XG: variants seen among roughly 807,000 people sequenced by gnomAD.
XG encodes the protein Xg glycoprotein (Xg blood group).
A neutral mutation model predicts 25.7 loss-of-function variants in XG; 24 were observed. That is an observed-to-expected ratio of 0.93 (90% CI 0.68 to 1.31). XG has a LOEUF of 1.31. XG is among the 40% of genes most tolerant of loss of function. The pLI is 0.00. For missense variants in XG, 181 were observed against 187.6 expected, an observed-to-expected ratio of 0.96 and a Z score of 0.21; for synonymous variants, 77 against 69.2, an observed-to-expected ratio of 1.11 and a Z score of -0.56.
At chrX:2,769,087 C>T (rs145664721) in intron 1 of XG, among the ~76,000 whole-genome samples, 230 of 152,284 alleles carry the variant, frequency 1.5e-3, no homozygotes, top group African/African-American at 5.0e-3. Flanking sequence ...TCTGGGGATG[C>T]GTCTTCTGCT....
chrX:2,765,721 TCC>T (rs1359571445), intron 1 of XG, among the ~76,000 whole-genome samples: 2 of 152,212 alleles, frequency 1.3e-5, no homozygotes, highest in African/African-American at 4.8e-5. Context: ...TTGCTGTGGG[TCC>T]ATTGCTCTCC....
rs769301242 is a variant in XG, at chrX:2,794,564, G to A, written c.283G>A (p.Gly95Arg). The A allele has an allele frequency of 1.7e-6, 2 of 1,211,697 alleles. No individual in the cohort carries two copies. The highest frequency in any genetic ancestry group is 3.0e-5 in the East Asian group (1 of 33,793). ...GYFNDVDRDDGRYPPRPRPRP... is the reference protein window; with the variant it reads ...GYFNDVDRDDRRYPPRPRPRP... ...CTTCAATGATGTGGACCGTGATGAC[G>A]GACGCTACCCGCCCAGGCCCAGGCC... is the stretch of plus-strand genomic sequence containing the variant. Residue 95 changes from glycine (G) to arginine (R), a missense_variant, in exon 6 of 11, where the codon GGA (glycine) becomes AGA (arginine). Coordinates refer to ENST00000644266, the MANE Select transcript of XG (RefSeq NM_001141919.2).
chrX:2,806,220 C>T (rs1296587036), intron 7 of XG, among the ~76,000 whole-genome samples: 3 of 108,691 alleles, frequency 2.8e-5, no homozygotes, highest in Admixed American at 9.9e-5. Context: ...TAAGTAGAAA[C>T]GGGGTCTCAC....
chrX:2,812,300 T>C (rs1203071642), intron 10 of XG, among the ~76,000 whole-genome samples: 1 of 111,677 alleles, frequency 9.0e-6, no homozygotes, highest in African/African-American at 3.2e-5. Context: ...ACTCCTGGGT[T>C]TGAAGAATCA....
chrX:2,804,430 C>G (rs2086974119), intron 7 of XG, among the ~76,000 whole-genome samples: 1 of 111,640 alleles, frequency 9.0e-6, no homozygotes, highest in African/African-American at 3.3e-5. Flanking sequence ...GTTGCCCAGG[C>G]TGGTCTTGAA....
At chrX:2,769,165 A>G (rs1211611953) in intron 1 of XG, among the ~76,000 whole-genome samples, 2 of 152,240 alleles carry the variant, frequency 1.3e-5, no homozygotes, top group Non-Finnish European at 2.9e-5. Flanking sequence ...GACTGGAGCC[A>G]TGCCACAGCC....
In XG at chrX:2,812,997, T is replaced by C. The variant is rs866176561; in HGVS notation, c.572-1367T>C. Among the ~76,000 whole-genome samples the C allele has an allele frequency of 9.7e-4, 109 of 112,010 alleles. 1 individual carries two copies. The highest frequency in any genetic ancestry group is 3.3e-3 in the African/African-American group (102 of 30,861). On this transcript the variant is annotated intron_variant, in intron 10 of 10. Transcript: ENST00000644266. ...GTGCAATATTTTAGAAGGAAAATCA[T>C]TGGAATGGGGGCCAGTTGAGTTTCT...
intron 2 of XG, among the ~76,000 whole-genome samples, chrX:2,774,318 A>AAATG (rs1327206246): frequency 6.6e-6 from 1 of 152,126 alleles, no homozygotes; most frequent in Non-Finnish European, 1.5e-5. Context: ...CTGAATGAAT[A>AAATG]AATGAATGAA....
At chrX:2,768,147 G>A (rs2050739894) in intron 1 of XG, among the ~76,000 whole-genome samples, 1 of 152,130 alleles carries the variant, frequency 6.6e-6, no homozygotes, top group South Asian at 2.1e-4. Context: ...AGACAACACC[G>A]AGGCCTTTGG....
intron 5 of XG, among the ~76,000 whole-genome samples, chrX:2,792,545 T>TTGTGTGTGTGTGTGTG (rs146747084): frequency 6.0e-5 from 6 of 99,749 alleles, no homozygotes; most frequent in African/African-American, 2.2e-4. Context: ...TTCTTTTTCT[T>TTGTGTGTGTGTGTGTG]TGTGTGTGTG....
intron 5 of XG, among the ~76,000 whole-genome samples, chrX:2,791,193 T>C (rs2086835049): frequency 9.0e-6 from 1 of 110,687 alleles, no homozygotes; most frequent in African/African-American, 3.3e-5. Flanking sequence ...CGTGAGACAC[T>C]CAGGAAAGAG....
At chrX:2,778,775 CTT>C (rs1177625639) in intron 3 of XG, among the ~76,000 whole-genome samples, 314 of 140,050 alleles carry the variant, frequency 2.2e-3, no homozygotes, top group African/African-American at 7.2e-3. Flanking sequence ...TCATGCGATA[CTT>C]TTTTTTTTTT....
intron 4 of XG, among the ~76,000 whole-genome samples, chrX:2,787,393 T>A (rs1161649663): frequency 2.7e-5 from 3 of 111,100 alleles, no homozygotes; most frequent in Non-Finnish European, 5.7e-5. Flanking sequence ...TGTGTGTGAA[T>A]GGAGGAGGGA....
At chrX:2,774,295 CA>C (rs1324917371) in intron 2 of XG, among the ~76,000 whole-genome samples, 2 of 151,806 alleles carry the variant, frequency 1.3e-5, no homozygotes, top group Non-Finnish European at 2.9e-5. Context: ...CACATCCATG[CA>C]ATACATATTT....
intron 3 of XG, chrX:2,775,116 A>C: frequency 8.1e-6 from 2 of 246,080 alleles, no homozygotes; most frequent in Non-Finnish European, 1.6e-5. Flanking sequence ...CAGCAATTCC[A>C]CTCCTAGGTA....
chrX:2,811,497 T>A, intron 10 of XG, 45 bp downstream of exon 10: 1 of 922,870 alleles, frequency 1.1e-6, no homozygotes, highest in Admixed American at 3.9e-5. Flanking sequence ...CTAAGCCTGA[T>A]TTAAAAAAAA....
At chrX:2,791,217 A>G (rs1319503714) in intron 5 of XG, among the ~76,000 whole-genome samples, 1 of 111,004 alleles carries the variant, frequency 9.0e-6, no homozygotes, top group African/African-American at 3.3e-5. Flanking sequence ...CTGGTCTGTA[A>G]AGTTGGAAGA....
rs762542189 is a variant in XG at position 2,801,953 on chromosome X, C to T, written c.373+4593C>T. Among the ~76,000 whole-genome samples the T allele has an allele frequency of 2.0e-4, 22 of 111,049 alleles. No homozygotes were observed. The East Asian group carries it at 4.9e-3, about 25-fold the overall frequency. ...CGATCTCCTGACCTCGTGATCCGCCCGCCTCGGCCTCCCAAAGTGCTGGGA... is the reference window on the plus strand; with the variant it reads ...CGATCTCCTGACCTCGTGATCCGCCTGCCTCGGCCTCCCAAAGTGCTGGGA... On this transcript the variant is annotated intron_variant, in intron 7 of 10. Transcript: ENST00000644266.
At chrX:2,781,865 T>G (rs183147082) in intron 3 of XG, among the ~76,000 whole-genome samples, 2,985 of 111,857 alleles carry the variant, frequency 0.027, 108 homozygotes, top group African/African-American at 0.093. Context: ...ACCTTTTTTT[T>G]TAAGTTTCAG....
Sources: allele counts gnomAD v4.1 joint callset (sites outside exome capture counted in the v4.1 genomes callset), GRCh38; gene constraint gnomAD v4.1.1; transcripts MANE v1.5; gene names NCBI Gene and HGNC (gene_info 2026-07-23, HGNC 2026-07-21).